ZNF804A: variants seen among roughly 807,000 people sequenced by gnomAD.
ZNF804A encodes zinc finger protein 804A.
Under a neutral mutation model 16.5 loss-of-function variants are expected in ZNF804A, and 2 were observed. The ratio of observed to expected loss-of-function variants is 0.12; its 90% confidence interval spans 0.05 to 0.38. ZNF804A has a LOEUF of 0.38. Ranked by LOEUF, ZNF804A falls within the 10% of genes least tolerant of loss-of-function variation. ZNF804A has a pLI of 0.99. For missense variants in ZNF804A, 1,473 were observed against 1,390.7 expected, an observed-to-expected ratio of 1.06 and a Z score of -0.94; for synonymous variants, 534 against 489.6, an observed-to-expected ratio of 1.09 and a Z score of -1.20.
At chr2:184,869,071 G>A (rs550970048) in intron 2 of ZNF804A, among the ~76,000 whole-genome samples, 3 of 152,020 alleles carry the variant, frequency 2.0e-5, no homozygotes, top group South Asian at 4.1e-4. Context: ...TGGACATTTC[G>A]GATTTTGGAT....
At chr2:184,786,144 C>A (rs1159846314) in intron 1 of ZNF804A, among the ~76,000 whole-genome samples, 1 of 151,964 alleles carries the variant, frequency 6.6e-6, no homozygotes, top group Non-Finnish European at 1.5e-5. Flanking sequence ...AGACATAACT[C>A]TTTTAAAAGT....
intron 1 of ZNF804A, among the ~76,000 whole-genome samples, chr2:184,672,237 T>A (rs899927143): frequency 3.3e-5 from 5 of 152,214 alleles, no homozygotes; most frequent in African/African-American, 1.2e-4. Context: ...ATATGTTTTA[T>A]GCTCTATGGT....
chr2:184,696,315 A>C (rs185938843), intron 1 of ZNF804A, among the ~76,000 whole-genome samples: 1 of 152,326 alleles, frequency 6.6e-6, no homozygotes, highest in Admixed American at 6.5e-5. Context: ...AAAAACAGGC[A>C]ACAACATCAA....
chr2:184,878,801 T>A (rs995442819), intron 2 of ZNF804A, among the ~76,000 whole-genome samples: 9 of 152,102 alleles, frequency 5.9e-5, no homozygotes, highest in African/African-American at 2.2e-4. Context: ...TGAGCCCTAT[T>A]ATTATTGTTG....
intron 1 of ZNF804A, among the ~76,000 whole-genome samples, chr2:184,628,497 T>A (rs1304950883): frequency 6.6e-6 from 1 of 152,100 alleles, no homozygotes; most frequent in Non-Finnish European, 1.5e-5. Context: ...ATTTTTCAAA[T>A]TTGGAAAACA....
At chr2:184,761,650 A>G (rs1287598036) in intron 1 of ZNF804A, among the ~76,000 whole-genome samples, 2 of 152,120 alleles carry the variant, frequency 1.3e-5, no homozygotes, top group Non-Finnish European at 2.9e-5. Flanking sequence ...GAAATAAAAA[A>G]CATAACTGAA....
chr2:184,863,554 T>TAA (rs35088942), intron 1 of ZNF804A, among the ~76,000 whole-genome samples: 49 of 143,594 alleles, frequency 3.4e-4, no homozygotes, highest in African/African-American at 6.6e-4. Context: ...TCAAACTTAT[T>TAA]AAAAAAAAAA....
chr2:184,663,319 C>T (rs569889121), intron 1 of ZNF804A, among the ~76,000 whole-genome samples: 25 of 152,170 alleles, frequency 1.6e-4, no homozygotes, highest in Non-Finnish European at 3.1e-4. Flanking sequence ...AGCCTGGGCG[C>T]TGTCACTGCT....
chr2:184,648,181 G>T (rs756991013), intron 1 of ZNF804A, among the ~76,000 whole-genome samples: 1 of 152,052 alleles, frequency 6.6e-6, no homozygotes, highest in Non-Finnish European at 1.5e-5. Context: ...AAATGAAGGG[G>T]AATTAAAATC....
chr2:184,913,838 T>A (rs529909857), intron 2 of ZNF804A, among the ~76,000 whole-genome samples: 1 of 152,310 alleles, frequency 6.6e-6, no homozygotes, highest in Admixed American at 6.5e-5. Context: ...CTCATGTGCC[T>A]GCATGACTCT....
intron 1 of ZNF804A, among the ~76,000 whole-genome samples, chr2:184,829,518 C>G (rs938292433): frequency 1.3e-5 from 2 of 151,848 alleles, no homozygotes; most frequent in African/African-American, 4.8e-5. Flanking sequence ...GTTTACCCTC[C>G]TAAAGATGAT....
intron 2 of ZNF804A, among the ~76,000 whole-genome samples, chr2:184,915,597 A>G (rs1055882397): frequency 6.6e-6 from 1 of 152,136 alleles, no homozygotes; most frequent in African/African-American, 2.4e-5. Context: ...AATGCATGAG[A>G]CACTTCTGAT....
chr2:184,851,969 G>T (rs193160022), intron 1 of ZNF804A, among the ~76,000 whole-genome samples: 2 of 151,356 alleles, frequency 1.3e-5, no homozygotes, highest in African/African-American at 4.8e-5. Context: ...ATATCTTTGG[G>T]GCATTCGTAT....
At chr2:184,805,229 G>T (rs919905824) in intron 1 of ZNF804A, among the ~76,000 whole-genome samples, 1 of 152,216 alleles carries the variant, frequency 6.6e-6, no homozygotes, top group East Asian at 1.9e-4. Flanking sequence ...AGAAAAACAG[G>T]TAATAGTAGA....
chr2:184,894,270 A>C (rs1280732255), intron 2 of ZNF804A, among the ~76,000 whole-genome samples: 1 of 152,186 alleles, frequency 6.6e-6, no homozygotes, highest in African/African-American at 2.4e-5. Context: ...CCATTAAGAA[A>C]AATCAATACT....
Position 184,938,894 on chromosome 2 carries a change from T to G in ZNF804A, c.3498T>G (p.Pro1166=). 6.2e-7 allele frequency: 1 copy of G among 1,614,044 alleles called. No homozygotes were observed. The highest frequency in any genetic ancestry group is 1.1e-5 in the South Asian group (1 of 91,074). ...GGAACCAGCCAACTTTTGTTGCTCC[T>G]CCTCAGATGCCAATCATTCCAGCTT... ...CPGNQPTFVA[P]PQMPIIPASV... is the part of the protein sequence containing the mutation. Residue 1166 remains proline (P), a synonymous_variant, in exon 4 of 4, where the codon CCT becomes CCG. Coordinates refer to ENST00000302277, the MANE Select transcript of ZNF804A (RefSeq NM_194250.2).
intron 1 of ZNF804A, among the ~76,000 whole-genome samples, chr2:184,620,487 C>T (rs1349182077): frequency 1.3e-5 from 2 of 151,726 alleles, no homozygotes; most frequent in South Asian, 2.1e-4. Flanking sequence ...AACTATGCCT[C>T]ATTAAAAATT....
intron 1 of ZNF804A, among the ~76,000 whole-genome samples, chr2:184,627,934 CA>C (rs1486288617): frequency 1.3e-5 from 2 of 152,120 alleles, no homozygotes; most frequent in African/African-American, 4.8e-5. Context: ...CTGGTTTACT[CA>C]ATATTTATTC....
chr2:184,640,395 C>T (rs1185330029), intron 1 of ZNF804A, among the ~76,000 whole-genome samples: 1 of 151,720 alleles, frequency 6.6e-6, no homozygotes, highest in Non-Finnish European at 1.5e-5. Context: ...TATATGACTT[C>T]ACTGATGAAT....
Sources: gnomAD v4.1 joint callset for allele counts (sites outside exome capture counted in the v4.1 genomes callset) on GRCh38, gnomAD v4.1.1 for gene constraint, MANE v1.5 for transcripts, NCBI Gene and HGNC (gene_info 2026-07-23, HGNC 2026-07-21) for gene names.